The following GPC6 variants were observed in gnomAD, a reference collection of about 807,000 sequenced individuals.
The protein encoded by GPC6 is glypican 6, also known as glypican-6.
In GPC6, 14 loss-of-function variants were observed where a neutral mutation model predicts 55.2. The observed-to-expected ratio is 0.25, with a 90% CI of 0.17 to 0.40. GPC6 has a LOEUF of 0.40. GPC6 is among the 10% of genes least tolerant of loss of function. The probability of loss-of-function intolerance (pLI) is 1.00; values close to 1 mark genes in which losing one functional copy is unlikely to be tolerated. For synonymous variants in GPC6, 278 were observed against 259.6 expected, an observed-to-expected ratio of 1.07 and a Z score of -0.68; for missense variants, 641 against 708.5, an observed-to-expected ratio of 0.90 and a Z score of 1.08.
chr13:93,955,170 A>C (rs930182388), intron 3 of GPC6, among the ~76,000 whole-genome samples: 8 of 151,288 alleles, frequency 5.3e-5, no homozygotes, highest in African/African-American at 1.9e-4. Context: ...TCACCACCAC[A>C]TCTTTTGATA....
chr13:93,247,963 A>G (rs1219146318), intron 1 of GPC6, among the ~76,000 whole-genome samples: 1 of 152,214 alleles, frequency 6.6e-6, no homozygotes, highest in Non-Finnish European at 1.5e-5. Context: ...ACATGAAATT[A>G]TATTTTTTCC....
chr13:94,330,531 G>A (rs932039525), intron 6 of GPC6, among the ~76,000 whole-genome samples: 2 of 152,148 alleles, frequency 1.3e-5, no homozygotes, highest in Non-Finnish European at 2.9e-5. Context: ...CCAAGTCCTT[G>A]TTTATCAAAA....
intron 1 of GPC6, among the ~76,000 whole-genome samples, chr13:93,269,430 A>G (rs1366155018): frequency 6.6e-6 from 1 of 152,164 alleles, no homozygotes; most frequent in East Asian, 1.9e-4. Flanking sequence ...AATATAATGA[A>G]TATTGACTGC....
intron 4 of GPC6, among the ~76,000 whole-genome samples, chr13:94,086,067 T>C (rs1885271023): frequency 1.3e-5 from 2 of 152,202 alleles, no homozygotes; most frequent in Admixed American, 6.5e-5. Context: ...GATTTTATTC[T>C]TTTTTTGTTT....
At chr13:93,901,356 A>C (rs767376769) in intron 3 of GPC6, among the ~76,000 whole-genome samples, 5 of 152,140 alleles carry the variant, frequency 3.3e-5, no homozygotes, top group Non-Finnish European at 7.4e-5. Context: ...TTATACTTTT[A>C]TTCTTATGGC....
chr13:93,682,843 A>G (rs1881899315), intron 2 of GPC6, among the ~76,000 whole-genome samples: 1 of 105,404 alleles, frequency 9.5e-6, no homozygotes, highest in Non-Finnish European at 2.3e-5. Flanking sequence ...CCCTGTCTCT[A>G]CAAAAAAAAA....
At chr13:94,025,623 G>A (rs1882867962) in intron 3 of GPC6, 1 of 152,188 alleles carries the variant, frequency 6.6e-6, no homozygotes, top group East Asian at 1.9e-4. Context: ...CTACAAAATA[G>A]CCTGTCTGGA....
At chr13:93,973,915 CAGA>C (rs1880405499) in intron 3 of GPC6, among the ~76,000 whole-genome samples, 2 of 152,198 alleles carry the variant, frequency 1.3e-5, no homozygotes, top group Non-Finnish European at 2.9e-5. Context: ...CCCCTCCTTG[CAGA>C]AGTAGTTTCA....
intron 2 of GPC6, among the ~76,000 whole-genome samples, chr13:93,811,635 G>A (rs1470407182): frequency 6.6e-6 from 1 of 151,878 alleles, no homozygotes; most frequent in Non-Finnish European, 1.5e-5. Flanking sequence ...AGAATGCAAA[G>A]CGTATTCATG....
At chr13:93,720,113 G>T (rs1883400295) in intron 2 of GPC6, among the ~76,000 whole-genome samples, 1 of 152,078 alleles carries the variant, frequency 6.6e-6, no homozygotes, top group Non-Finnish European at 1.5e-5. Flanking sequence ...AGTTAGGGAG[G>T]ATTCCCTCTT....
chr13:93,575,590 A>C (rs1386060026), intron 2 of GPC6, among the ~76,000 whole-genome samples: 3 of 152,168 alleles, frequency 2.0e-5, no homozygotes, highest in Admixed American at 2.0e-4. Context: ...AAGCCAATTT[A>C]GTAGTATTAG....
chr13:93,608,359 G>C (rs1878330256), intron 2 of GPC6, among the ~76,000 whole-genome samples: 1 of 151,922 alleles, frequency 6.6e-6, no homozygotes, highest in Non-Finnish European at 1.5e-5. Flanking sequence ...TTATTCTAAA[G>C]AGCATAAAAT....
At chr13:93,984,722 ATTTC>A in intron 3 of GPC6, among the ~76,000 whole-genome samples, 1 of 152,318 alleles carries the variant, frequency 6.6e-6, no homozygotes, top group Middle Eastern at 3.4e-3. Flanking sequence ...GGGAAAAAGT[ATTTC>A]TAAATTGCAT....
At chr13:94,043,540 T>C (rs1883615971) in intron 4 of GPC6, among the ~76,000 whole-genome samples, 1 of 151,874 alleles carries the variant, frequency 6.6e-6, no homozygotes, top group African/African-American at 2.4e-5. Flanking sequence ...AACTAAACTA[T>C]ATACTTCATT....
At chr13:94,085,951 G>C (rs1458264966) in intron 4 of GPC6, among the ~76,000 whole-genome samples, 1 of 152,126 alleles carries the variant, frequency 6.6e-6, no homozygotes, top group Non-Finnish European at 1.5e-5. Flanking sequence ...CTCTCAAAGA[G>C]TAACTTCTCC....
chr13:93,940,465 A>G (rs1158936937), intron 3 of GPC6, among the ~76,000 whole-genome samples: 1 of 151,964 alleles, frequency 6.6e-6, no homozygotes, highest in Non-Finnish European at 1.5e-5. Context: ...TGAATATCAG[A>G]CATAATGGAT....
intron 1 of GPC6, among the ~76,000 whole-genome samples, chr13:93,499,832 T>C (rs2139370272): frequency 6.6e-6 from 1 of 152,326 alleles, no homozygotes; most frequent in Non-Finnish European, 1.5e-5. Flanking sequence ...CGAGTTGCCT[T>C]TCTTGTGTTA....
At chr13:93,349,260 C>CTT (rs34884349) in intron 1 of GPC6, among the ~76,000 whole-genome samples, 4 of 151,716 alleles carry the variant, frequency 2.6e-5, no homozygotes, top group South Asian at 4.2e-4. Flanking sequence ...AACATGTTAG[C>CTT]TTTTTTTTCC....
intron 1 of GPC6, among the ~76,000 whole-genome samples, chr13:93,280,265 A>T (rs1877904409): frequency 6.6e-6 from 1 of 152,190 alleles, no homozygotes. Context: ...ATCTACATTA[A>T]TTCCCCAAAT....
Sources: gnomAD v4.1 joint callset for allele counts (sites outside exome capture counted in the v4.1 genomes callset) on GRCh38, gnomAD v4.1.1 for gene constraint, MANE v1.5 for transcripts, NCBI Gene and HGNC (gene_info 2026-07-23, HGNC 2026-07-21) for gene names.